PDPN: variants seen among roughly 807,000 people sequenced by gnomAD.
The protein encoded by PDPN is PA2.26 antigen.
Under a neutral mutation model 23.2 loss-of-function variants are expected in PDPN, and 12 were observed. That is an observed-to-expected ratio of 0.52 (90% confidence interval 0.33 to 0.84). The LOEUF is 0.84. Among genes scored for constraint, PDPN ranks in the 40% least tolerant of loss-of-function variants. The probability of loss-of-function intolerance (pLI) is 0.02; values close to 1 mark genes in which losing one functional copy is unlikely to be tolerated. For missense variants in PDPN, 199 were observed against 212.2 expected (o/e 0.94, Z 0.39); for synonymous variants, 77 against 76.7 (o/e 1.00, Z -0.02).
chr1:13,586,764 A>T (rs1422399519), intron 1 of PDPN, among the ~76,000 whole-genome samples: 4 of 29,642 alleles, frequency 1.3e-4, no homozygotes, highest in South Asian at 2.3e-3. Flanking sequence ...CTCTGCCATT[A>T]AAAAAAAAAA....
At chr1:13,599,011 C>CTTTTTTTTTTTT (rs35244657) in intron 1 of PDPN, among the ~76,000 whole-genome samples, 21 of 127,050 alleles carry the variant, frequency 1.7e-4, no homozygotes, top group African/African-American at 5.3e-4. Flanking sequence ...GCCCCCCCTC[C>CTTTTTTTTTTTT]TTTTTTTTTT....
intron 1 of PDPN, chr1:13,595,803 G>T: frequency 8.5e-7 from 1 of 1,170,838 alleles, no homozygotes; most frequent in South Asian, 1.3e-5. Context: ...GCTATCTTCA[G>T]CTATGCCGTC....
rs901513655 is a variant in PDPN at position 13,616,774 on chromosome 1, C to T, written c.*863C>T. 20 of 152,300 alleles carry T rather than the reference C, an allele frequency of 1.3e-4. No individual in the cohort carries two copies. Among genetic ancestry groups the T allele is most frequent in the Admixed American group, 1.3e-3 (20 of 15,276 alleles). 9.4% of individuals were successfully genotyped at this position (152,300 alleles called of 1,614,324 possible). Reference sequence around the variant, plus strand: ...CTGCTTTGTTCTGGAATATGGATATCTCAGCCTGGATGCCGAGGAAGCTGC... The same window carrying T: ...CTGCTTTGTTCTGGAATATGGATATTTCAGCCTGGATGCCGAGGAAGCTGC... On this transcript the variant is annotated 3_prime_UTR_variant, in exon 6 of 6. Coordinates refer to ENST00000621990, the MANE Select transcript of PDPN (RefSeq NM_006474.5).
At chr1:13,609,070 A>G (rs1640868899) in intron 2 of PDPN, among the ~76,000 whole-genome samples, 1 of 152,172 alleles carries the variant, frequency 6.6e-6, no homozygotes, top group East Asian at 1.9e-4. Flanking sequence ...GGAACACAGC[A>G]ATGCCCATTC....
At chr1:13,605,358 T>A (rs1285965084) in intron 1 of PDPN, among the ~76,000 whole-genome samples, 1 of 152,220 alleles carries the variant, frequency 6.6e-6, no homozygotes, top group African/African-American at 2.4e-5. Flanking sequence ...TCCTGGGATG[T>A]GTATGCTTGT....
intron 5 of PDPN, 21 bp downstream of exon 5, chr1:13,614,432 C>A: frequency 1.7e-6 from 2 of 1,156,208 alleles, no homozygotes; most frequent in Non-Finnish European, 2.6e-6. Flanking sequence ...AGCTTACACC[C>A]ATGTGATAGG....
chr1:13,599,395 T>C (rs1640584030), intron 1 of PDPN, among the ~76,000 whole-genome samples: 1 of 85,888 alleles, frequency 1.2e-5, no homozygotes, highest in African/African-American at 4.7e-5. Flanking sequence ...TTTTTTTTTT[T>C]TTTTTTTTCA....
chr1:13,607,059 T>C (rs1640806269), intron 1 of PDPN, 114 bp from the exon 2 acceptor site: 1 of 1,289,934 alleles, frequency 7.8e-7, no homozygotes, highest in Non-Finnish European at 1.1e-6. Flanking sequence ...GGACCAAAAA[T>C]AAAACAAAAA....
chr1:13,583,875 C>A lies in PDPN; in HGVS notation c.-159C>A. 1 of 1,607,828 alleles carries A rather than the reference C, an allele frequency of 6.2e-7. No individual in the cohort carries two copies. The highest frequency in any genetic ancestry group is 1.1e-5 in the South Asian group (1 of 90,368). Reference sequence around the variant, plus strand: ...CCGGCTGCCTAGGGTCTGGGAAGCTCGGGCACCCTCCCTCTCCGGGGCTCC... The same window carrying A: ...CCGGCTGCCTAGGGTCTGGGAAGCTAGGGCACCCTCCCTCTCCGGGGCTCC... On this transcript the variant is annotated 5_prime_UTR_variant, in exon 1 of 6. Coordinates refer to ENST00000621990, the MANE Select transcript of PDPN (RefSeq NM_006474.5).
rs1344951012 is a variant in PDPN at position 13,599,090 on chromosome 1, A to C, written c.68-8083A>C. ...TAGTGGCGCAATCTTGGCTCACTGC[A>C]ACCTCCGCCTCCAGGGTTCAAGGGA... On this transcript the variant is annotated intron_variant, in intron 1 of 5. Transcript: ENST00000621990. Among the ~76,000 whole-genome samples the C allele has an allele frequency of 8.2e-5, 12 of 147,214 alleles. No individual in the cohort carries two copies. In the Admixed American group the frequency reaches 8.3e-4, roughly 10 times the overall value.
intron 1 of PDPN, among the ~76,000 whole-genome samples, chr1:13,588,204 G>A (rs932297699): frequency 5.3e-5 from 8 of 151,986 alleles, no homozygotes; most frequent in Non-Finnish European, 1.0e-4. Context: ...GAGAGGCCAG[G>A]CCACAAAGTG....
rs1463996951 is a variant in PDPN, at chr1:13,617,927, G to A, written c.*2016G>A. ...TTGGTGCTCAATGCAGTGTAGACAT[G>A]TTTTCAAATAAAACAAATGATTGTG... On this transcript the variant is annotated 3_prime_UTR_variant, in exon 6 of 6. Transcript: ENST00000621990. The A allele has an allele frequency of 6.6e-6, 1 of 152,118 alleles. No homozygotes were observed. The highest frequency in any genetic ancestry group is 1.9e-4 in the East Asian group (1 of 5,176). 9.4% of individuals were successfully genotyped at this position (152,118 alleles called of 1,614,324 possible). A position where few individuals can be genotyped will look rare whatever the true frequency, so the allele number is the denominator to read the frequency against.
intron 1 of PDPN, among the ~76,000 whole-genome samples, chr1:13,606,727 C>CCCGCTT (rs1640798236): frequency 6.6e-6 from 1 of 151,878 alleles, no homozygotes; most frequent in Non-Finnish European, 1.5e-5. Flanking sequence ...AGATGGAGAC[C>CCCGCTT]CCGCTTTTGC....
At chr1:13,587,069 A>C (rs1412959563) in intron 1 of PDPN, among the ~76,000 whole-genome samples, 1 of 152,218 alleles carries the variant, frequency 6.6e-6, no homozygotes, top group Non-Finnish European at 1.5e-5. Context: ...TATAAAAACA[A>C]AGTAAAGAGG....
rs181962062 is a variant in PDPN, at chr1:13,587,953, G to C, written c.67+3853G>C. On this transcript the variant is annotated intron_variant, in intron 1 of 5. Transcript: ENST00000621990. ...GGTAGGAGGGCTCACCCTCCTTTTT[G>C]TCTGGCTGAGTGTCTTTGCCTTGAG... Among the ~76,000 whole-genome samples the C allele has an allele frequency of 1.9e-3, 291 of 152,242 alleles. 1 individual carries two copies. The highest frequency in any genetic ancestry group is 3.4e-3 in the Middle Eastern group (1 of 294).
rs184126053 is a variant in PDPN, at chr1:13,616,833, T to C, written c.*922T>C. The C allele has an allele frequency of 1.3e-5, 2 of 152,344 alleles. No homozygotes were observed. The highest frequency in any genetic ancestry group is 1.9e-4 in the East Asian group (1 of 5,186). The allele number at this position is 152,344 out of a possible 1,614,324, so 9.4% of individuals were successfully genotyped here. On this transcript the variant is annotated 3_prime_UTR_variant, in exon 6 of 6. Coordinates refer to ENST00000621990, the MANE Select transcript of PDPN (RefSeq NM_006474.5). ...TAATGGTGCTAGAGGCTCAAGTGTGTTTGAAACCAAGAGCCAGTTGTCCCC... is the reference window on the plus strand; with the variant it reads ...TAATGGTGCTAGAGGCTCAAGTGTGCTTGAAACCAAGAGCCAGTTGTCCCC...
At position 13,583,952 on chromosome 1, in the gene PDPN, G is replaced by T. The variant is rs1170014188; in HGVS notation, c.-82G>T. 2.5e-6 allele frequency: 4 copies of T among 1,613,722 alleles called. No homozygotes were observed. In the South Asian group the frequency reaches 3.3e-5, roughly 13 times the overall value. ...CGTCGCGCTCCTCCAGGCTGGGCCT[G>T]TGGCCGCGGTGCTTTTTAATTTTCC... On this transcript the variant is annotated 5_prime_UTR_variant, in exon 1 of 6. Transcript: ENST00000621990.
chr1:13,614,004 G>A (rs892373523), intron 4 of PDPN, among the ~76,000 whole-genome samples: 1 of 151,336 alleles, frequency 6.6e-6, no homozygotes, highest in African/African-American at 2.4e-5. Flanking sequence ...TCATTACTAA[G>A]GATGAAAATA....
chr1:13,588,006 G>A (rs1040771780), intron 1 of PDPN, among the ~76,000 whole-genome samples: 1 of 152,192 alleles, frequency 6.6e-6, no homozygotes, highest in African/African-American at 2.4e-5. Context: ...TTTGTCCTTT[G>A]AAGTGAATCA....
Sources: gnomAD v4.1 joint callset for allele counts (sites outside exome capture counted in the v4.1 genomes callset) on GRCh38, gnomAD v4.1.1 for gene constraint, MANE v1.5 for transcripts, NCBI Gene and HGNC (gene_info 2026-07-23, HGNC 2026-07-21) for gene names.